WBP2NL: variants seen among roughly 807,000 people sequenced by gnomAD.
WBP2NL encodes postacrosomal sheath WW domain-binding protein.
A neutral mutation model predicts 23.3 loss-of-function variants in WBP2NL; 27 were observed. That is an observed-to-expected ratio of 1.16 (90% CI 0.85 to 1.60). The LOEUF is 1.60. Among genes scored for constraint, WBP2NL ranks in the 40% most tolerant of loss-of-function variants. The pLI is 0.00. For synonymous variants in WBP2NL, 151 were observed against 145.9 expected (o/e 1.03, Z -0.25); for missense variants, 370 against 389.5 (o/e 0.95, Z 0.42).
At chr22:42,018,542 G>T (rs1192103857) in intron 1 of WBP2NL, among the ~76,000 whole-genome samples, 1 of 152,092 alleles carries the variant, frequency 6.6e-6, no homozygotes, top group Admixed American at 6.6e-5. Flanking sequence ...AACCCAGCAG[G>T]ATTTGATGAG....
chr22:42,015,351 T>C (rs1470362925), intron 1 of WBP2NL, among the ~76,000 whole-genome samples: 2 of 152,302 alleles, frequency 1.3e-5, no homozygotes, highest in East Asian at 3.9e-4. Flanking sequence ...CGTGCCTTTC[T>C]TACTCAGCCA....
intron 8 of WBP2NL, among the ~76,000 whole-genome samples, chr22:42,039,937 G>T (rs1168813691): frequency 1.4e-5 from 2 of 144,774 alleles, no homozygotes; most frequent in African/African-American, 5.1e-5. Flanking sequence ...TCGAGATGAA[G>T]TCTTGTTTTG....
At chr22:42,011,846 C>T (rs936425733) in intron 1 of WBP2NL, among the ~76,000 whole-genome samples, 34 of 151,656 alleles carry the variant, frequency 2.2e-4, no homozygotes, top group East Asian at 9.7e-4. Flanking sequence ...AATATTGGCT[C>T]GCTGCAACCT....
rs570138140 is a variant in WBP2NL at position 42,047,621 on chromosome 22, A to ATT, written c.*274-10652_*274-10651dup. Among the ~76,000 whole-genome samples the ATT allele has an allele frequency of 3.9e-3, 515 of 133,052 alleles. 3 individuals are homozygous for ATT. Among genetic ancestry groups the ATT allele is most frequent in the East Asian group, 9.9e-3 (44 of 4,452 alleles). The allele number at this position is 133,052 out of a possible 152,430, so 87.3% of individuals were successfully genotyped here. On this transcript the variant is annotated intron_variant and NMD_transcript_variant, in intron 8 of 8. Coordinates refer to the WBP2NL transcript ENST00000436265. ...CCGCCTCCCAAAAAAAACCAATCAAATTTTTTTTTTTTTTTTTTGAGACAG... is the reference window on the plus strand; with the variant it reads ...CCGCCTCCCAAAAAAAACCAATCAAATTTTTTTTTTTTTTTTTTTTGAGACAG...
At chr22:42,002,420 C>T (rs1000147357) in intron 1 of WBP2NL, among the ~76,000 whole-genome samples, 1 of 151,960 alleles carries the variant, frequency 6.6e-6, no homozygotes, top group African/African-American at 2.4e-5. Flanking sequence ...CCTGTCCCTA[C>T]TAAAAATACA....
At chr22:42,053,306 A>G (rs1042590506) in intron 8 of WBP2NL, among the ~76,000 whole-genome samples, 4 of 152,160 alleles carry the variant, frequency 2.6e-5, no homozygotes, top group African/African-American at 9.7e-5. Context: ...TTGTGTAGGC[A>G]TATTTTTAAA....
rs774948505 is a variant in WBP2NL at position 42,027,057 on chromosome 22, C to T, written c.806C>T (p.Pro269Leu). 43 of 1,614,088 alleles carry T rather than the reference C, an allele frequency of 2.7e-5. 1 individual carries two copies. The East Asian group carries it at 6.9e-4, about 26-fold the overall frequency. The change falls in exon 6 of 6, where the codon CCG becomes CTG. Residue 269 changes from proline (P) to leucine (L), a missense_variant. Coordinates refer to ENST00000328823, the MANE Select transcript of WBP2NL (RefSeq NM_152613.3). ...GCCCCACCTGCAGGAAATGAAGGCCCGCCTGCGGGATACAGAGCCTCACCT... is the reference window on the plus strand; with the variant it reads ...GCCCCACCTGCAGGAAATGAAGGCCTGCCTGCGGGATACAGAGCCTCACCT... ...YGAPPAGNEG[P>L]PAGYRASPAG...
chr22:42,050,083 C>G (rs1925781285), intron 8 of WBP2NL, among the ~76,000 whole-genome samples: 1 of 151,836 alleles, frequency 6.6e-6, no homozygotes, highest in Non-Finnish European at 1.5e-5. Context: ...CTTTGGGAGG[C>G]CGAAGTGGGA....
At chr22:42,018,322 A>G (rs1923520365) in intron 1 of WBP2NL, among the ~76,000 whole-genome samples, 1 of 148,986 alleles carries the variant, frequency 6.7e-6, no homozygotes, top group South Asian at 2.1e-4. Context: ...CAAAAAAAAA[A>G]AAAAAAAAGA....
chr22:42,050,151 AC>A (rs2146823950), intron 8 of WBP2NL, among the ~76,000 whole-genome samples: 1 of 152,036 alleles, frequency 6.6e-6, no homozygotes, highest in East Asian at 1.9e-4. Flanking sequence ...CCCTGTCTCT[AC>A]AAAAAACTAC....
downstream of WBP2NL, among the ~76,000 whole-genome samples, chr22:42,030,229 G>T (rs541036720): frequency 2.0e-5 from 3 of 152,304 alleles, no homozygotes; most frequent in South Asian, 6.2e-4. Flanking sequence ...TTGTTCAGTG[G>T]AAGAAACTGA....
chr22:42,053,750 A>G (rs930705446), intron 8 of WBP2NL, among the ~76,000 whole-genome samples: 1 of 151,898 alleles, frequency 6.6e-6, no homozygotes, highest in Admixed American at 6.6e-5. Flanking sequence ...GAGCCACCAC[A>G]CCTGGCCAAT....
chr22:41,999,013 G>A, intron 1 of WBP2NL, 133 bp downstream of exon 1: 2 of 1,079,452 alleles, frequency 1.9e-6, no homozygotes, highest in Non-Finnish European at 2.5e-6. Context: ...CTCCGCCCCC[G>A]ACCTTTGGGA....
chr22:42,055,268 AG>A (rs1925988783), intron 8 of WBP2NL, among the ~76,000 whole-genome samples: 1 of 152,106 alleles, frequency 6.6e-6, no homozygotes, highest in Non-Finnish European at 1.5e-5. Context: ...CCTCCGCCTC[AG>A]GGTTCAAGCG....
At chr22:42,020,321 T>A (rs939516206) in intron 4 of WBP2NL, among the ~76,000 whole-genome samples, 2 of 152,120 alleles carry the variant, frequency 1.3e-5, no homozygotes, top group African/African-American at 4.8e-5. Context: ...GTTACAGGTA[T>A]GAGCCACCAT....
chr22:42,042,041 G>A (rs1216182724), intron 8 of WBP2NL, among the ~76,000 whole-genome samples: 2 of 152,204 alleles, frequency 1.3e-5, no homozygotes, highest in African/African-American at 4.8e-5. Flanking sequence ...GAAATCTGCT[G>A]ATAGTCTCAT....
At chr22:42,043,565 T>G (rs1925476691) in intron 8 of WBP2NL, among the ~76,000 whole-genome samples, 1 of 152,122 alleles carries the variant, frequency 6.6e-6, no homozygotes, top group African/African-American at 2.4e-5. Flanking sequence ...GTGTGCATCC[T>G]TGTGAATTTA....
downstream of WBP2NL, chr22:42,032,800 G>T: frequency 2.1e-6 from 1 of 468,752 alleles, no homozygotes; most frequent in South Asian, 1.6e-5. Context: ...CTGTCAAAGG[G>T]AAAGGGTCTA....
chr22:42,049,727 A>AG (rs1925760965), intron 8 of WBP2NL, among the ~76,000 whole-genome samples: 1 of 145,440 alleles, frequency 6.9e-6, no homozygotes, highest in African/African-American at 2.6e-5. Context: ...AAAAAAAAAA[A>AG]AAAATAGAAC....
Sources: gnomAD v4.1 joint callset for allele counts (sites outside exome capture counted in the v4.1 genomes callset) on GRCh38, gnomAD v4.1.1 for gene constraint, MANE v1.5 for transcripts, NCBI Gene and HGNC (gene_info 2026-07-23, HGNC 2026-07-21) for gene names.